Variants in NMUR2 observed in about 807,000 individuals in gnomAD.
NMUR2 encodes neuromedin-U receptor 2.
A neutral mutation model predicts 25.1 loss-of-function variants in NMUR2; 24 were observed. That is an observed-to-expected ratio of 0.96 (90% CI 0.69 to 1.34). The LOEUF is 1.34. NMUR2 is among the 40% of genes most tolerant of loss of function. NMUR2 has a pLI of 0.00. For missense variants in NMUR2, 533 were observed against 512.8 expected (o/e 1.04, Z -0.38); for synonymous variants, 218 against 208.1 (o/e 1.05, Z -0.41).
rs780059068 is a variant in NMUR2 at position 152,404,860 on chromosome 5, A to C, written c.254T>G (p.Phe85Cys). The change falls in exon 1 of 4, where the codon TTC (phenylalanine) becomes TGC (cysteine). Residue 85 changes from phenylalanine to cysteine, a missense_variant. Physicochemically the swap from Phe to Cys is radical, Grantham distance 205. Transcript: ENST00000255262. ...AMKTPTNYYL[F>C]SLAVSDLLVL... ...CAGGAGGTCAGAGACCGCCAGGCTGAAGAGGTAGTAGTTGGTGGGCGTCTT... is the reference window on the plus strand; with the variant it reads ...CAGGAGGTCAGAGACCGCCAGGCTGCAGAGGTAGTAGTTGGTGGGCGTCTT... 1 of 1,614,080 alleles carries C rather than the reference A, an allele frequency of 6.2e-7. No individual in the cohort carries two copies. Among genetic ancestry groups the C allele is most frequent in the Non-Finnish European group, 8.5e-7 (1 of 1,180,010 alleles).
At position 152,404,721 on chromosome 5, in the gene NMUR2, G is replaced by A. The variant is rs754217110; in HGVS notation, c.393C>T (p.Phe131=). The A allele has an allele frequency of 2.5e-6, 4 of 1,614,136 alleles. No individual in the cohort carries two copies. Among genetic ancestry groups the A allele is most frequent in the Non-Finnish European group, 3.4e-6 (4 of 1,180,040 alleles). The part of the protein sequence containing the change: ...FKTALFETVC[F]ASILSITTVS... ...CGGTGGTGATGCTGAGGATGGAGGC[G>A]AAGCACACGGTCTCAAAGAGGGCCG... is the stretch of plus-strand genomic sequence containing the variant. The change falls in exon 1 of 4, where the codon TTC becomes TTT. Residue 131 remains phenylalanine (F), a synonymous_variant. Coordinates refer to ENST00000255262, the MANE Select transcript of NMUR2 (RefSeq NM_020167.5).
chr5:152,400,887 C>G (rs1753240193), intron 1 of NMUR2, among the ~76,000 whole-genome samples: 1 of 152,164 alleles, frequency 6.6e-6, no homozygotes, highest in African/African-American at 2.4e-5. Flanking sequence ...TCACGCAATT[C>G]TTTTATGAAC....
Position 152,392,144 on chromosome 5 carries a change from C to T in NMUR2, c.*47G>A. 1 of 1,479,672 alleles carries T rather than the reference C, an allele frequency of 6.8e-7. No homozygotes were observed. Among genetic ancestry groups the T allele is most frequent in the Non-Finnish European group, 9.3e-7 (1 of 1,077,984 alleles). The allele number at this position is 1,479,672 out of a possible 1,614,324, so 91.7% of individuals were successfully genotyped here. A position where few individuals can be genotyped will look rare whatever the true frequency, so the allele number is the denominator to read the frequency against. On this transcript the variant is annotated 3_prime_UTR_variant, in exon 4 of 4. Coordinates refer to ENST00000255262, the MANE Select transcript of NMUR2 (RefSeq NM_020167.5). ...GAGAAGGCATACATTATGGGATGTT[C>T]CTCTCTGAAGTTTTGAGGCATAGAG...
At chr5:152,392,636 T>A in intron 3 of NMUR2, 135 bp from the exon 4 acceptor site, 1 of 668,408 alleles carries the variant, frequency 1.5e-6, no homozygotes, top group Non-Finnish European at 2.5e-6. Flanking sequence ...CATACAAGCA[T>A]CTAATTGAGA....
Position 152,398,067 on chromosome 5 carries a change from C to CT in NMUR2, c.803dup (p.Met269AspfsTer19). On this transcript the variant is annotated frameshift_variant, in exon 2 of 4. Coordinates refer to ENST00000255262, the MANE Select transcript of NMUR2 (RefSeq NM_020167.5). LOFTEE classifies it high-confidence loss of function. ...ACAAAATGGGGCACTTACACAGCAT[C>CT]TTGTTGACTGATTTTCTGCAGGGTC... is the stretch of plus-strand genomic sequence containing the variant. The CT allele has an allele frequency of 6.2e-7, 1 of 1,612,308 alleles. No homozygotes were observed. Among genetic ancestry groups the CT allele is most frequent in the Non-Finnish European group, 8.5e-7 (1 of 1,178,654 alleles).
chr5:152,401,279 C>T (rs919411781), intron 1 of NMUR2, among the ~76,000 whole-genome samples: 12 of 152,234 alleles, frequency 7.9e-5, no homozygotes, highest in African/African-American at 2.9e-4. Flanking sequence ...ATTGTGATTA[C>T]TAAAAGTTGT....
intron 3 of NMUR2, among the ~76,000 whole-genome samples, chr5:152,392,857 C>T (rs1406735469): frequency 6.6e-6 from 1 of 152,146 alleles, no homozygotes; most frequent in African/African-American, 2.4e-5. Context: ...GTTTCTATCT[C>T]ATTGGAATTT....
In NMUR2 at chr5:152,405,089, T is replaced by G. The variant is rs1462648123; in HGVS notation, c.25A>C (p.Asn9His). MSGMEKLQ[N>H]ASWIYQQKLE... ...TTCTGCTGGTAGATCCAGGAAGCATTCTGAAGTTTTTCCATCCCTGACATT... is the reference window on the plus strand; with the variant it reads ...TTCTGCTGGTAGATCCAGGAAGCATGCTGAAGTTTTTCCATCCCTGACATT... Residue 9 changes from asparagine to histidine, a missense_variant, in exon 1 of 4, where the codon AAT becomes CAT. Coordinates refer to ENST00000255262, the MANE Select transcript of NMUR2 (RefSeq NM_020167.5). 6.2e-7 allele frequency: 1 copy of G among 1,610,432 alleles called. No individual in the cohort carries two copies. The highest frequency in any genetic ancestry group is 1.1e-5 in the South Asian group (1 of 90,800).
In NMUR2 at chr5:152,395,551, GCC is replaced by G; in HGVS notation, c.843_844del (p.Trp281CysfsTer6). 6.2e-7 allele frequency: 1 copy of G among 1,613,512 alleles called. No individual in the cohort carries two copies. The highest frequency in any genetic ancestry group is 8.5e-7 in the Non-Finnish European group (1 of 1,179,790). On this transcript the variant is annotated frameshift_variant, in exon 3 of 4. Coordinates refer to ENST00000255262, the MANE Select transcript of NMUR2 (RefSeq NM_020167.5). LOFTEE classifies it high-confidence loss of function. Reference sequence around the variant, plus strand: ...GAAGAGTCGGTCAATGTGGAACGGGGCCCAACAGATAGCAAACACTAAGACCA... The same window carrying G: ...GAAGAGTCGGTCAATGTGGAACGGGGCAACAGATAGCAAACACTAAGACCA...
intron 3 of NMUR2, 107 bp downstream of exon 3, chr5:152,395,352 G>A: frequency 7.9e-7 from 1 of 1,268,780 alleles, no homozygotes; most frequent in Non-Finnish European, 1.1e-6. Flanking sequence ...ATTATAGCAT[G>A]GCAGATCCCC....
intron 2 of NMUR2, among the ~76,000 whole-genome samples, chr5:152,397,121 T>C (rs1753167586): frequency 1.3e-5 from 2 of 150,792 alleles, no homozygotes; most frequent in East Asian, 3.9e-4. Context: ...CAAGAGGAGC[T>C]AAAATATTTC....
intron 3 of NMUR2, among the ~76,000 whole-genome samples, chr5:152,393,353 T>C (rs1753094948): frequency 1.3e-5 from 2 of 152,294 alleles, no homozygotes; most frequent in South Asian, 4.1e-4. Flanking sequence ...GCTAAGAATG[T>C]AAAACAAGTG....
At chr5:152,398,836 G>C (rs1169976442) in intron 1 of NMUR2, among the ~76,000 whole-genome samples, 5 of 152,118 alleles carry the variant, frequency 3.3e-5, no homozygotes, top group African/African-American at 1.2e-4. Context: ...TAATATTACA[G>C]TAATATTAAT....
chr5:152,404,938 C>T lies in NMUR2; in HGVS notation c.176G>A (p.Gly59Glu), dbSNP rs750808062. Residue 59 changes from glycine to glutamate, a missense_variant, in exon 1 of 4, where the codon GGG (glycine) becomes GAG (glutamate). By Grantham distance (98) the Gly-to-Glu change is moderately conservative. Coordinates refer to ENST00000255262, the MANE Select transcript of NMUR2 (RefSeq NM_020167.5). ...GCACACCAGGACATTGCCAATGACC[C>T]CCACCACAAAAATTGGCACATACAC... ...SVVYVPIFVV[G>E]VIGNVLVCLV... The T allele has an allele frequency of 6.2e-7, 1 of 1,613,888 alleles. No individual in the cohort carries two copies. The highest frequency in any genetic ancestry group is 8.5e-7 in the Non-Finnish European group (1 of 1,179,948).
chr5:152,393,340 A>G (rs1458595949), intron 3 of NMUR2, among the ~76,000 whole-genome samples: 2 of 152,162 alleles, frequency 1.3e-5, no homozygotes, highest in African/African-American at 4.8e-5. Context: ...GAGGTTGAGA[A>G]TGGCTAAGAA....
At chr5:152,399,266 T>G (rs577334842) in intron 1 of NMUR2, among the ~76,000 whole-genome samples, 1 of 152,290 alleles carries the variant, frequency 6.6e-6, no homozygotes, top group East Asian at 1.9e-4. Flanking sequence ...CTCTCTTCTC[T>G]TAATAATAGC....
Position 152,404,943 on chromosome 5 carries a change from C to A in NMUR2, c.171G>T (p.Val57=). The change falls in exon 1 of 4, where the codon GTG becomes GTT. Residue 57 remains valine (V), a synonymous_variant. Coordinates refer to ENST00000255262, the MANE Select transcript of NMUR2 (RefSeq NM_020167.5). ...PVSVVYVPIF[V]VGVIGNVLVC... ...CCAGGACATTGCCAATGACCCCCAC[C>A]ACAAAAATTGGCACATACACCACAG... is the stretch of plus-strand genomic sequence containing the variant. 1 of 1,613,974 alleles carries A rather than the reference C, an allele frequency of 6.2e-7. No individual in the cohort carries two copies. The highest frequency in any genetic ancestry group is 8.5e-7 in the Non-Finnish European group (1 of 1,179,978).
chr5:152,403,216 T>G (rs1260560157), intron 1 of NMUR2, among the ~76,000 whole-genome samples: 2 of 152,224 alleles, frequency 1.3e-5, no homozygotes, highest in Non-Finnish European at 2.9e-5. Context: ...TGTGACCTTT[T>G]CATTTTATAC....
In NMUR2 at chr5:152,404,705, T is replaced by C. The variant is rs144629491; in HGVS notation, c.409A>G (p.Ile137Val). Residue 137 changes from isoleucine (I) to valine (V), a missense_variant, in exon 1 of 4, where the codon ATC becomes GTC. By Grantham distance (29) the Ile-to-Val change is conservative. Coordinates refer to ENST00000255262, the MANE Select transcript of NMUR2 (RefSeq NM_020167.5). ...TAGCGCTCCACGCTGACGGTGGTGA[T>C]GCTGAGGATGGAGGCGAAGCACACG... ...ETVCFASILS[I>V]TTVSVERYVA... 1 of 1,614,046 alleles carries C rather than the reference T, an allele frequency of 6.2e-7. No individual in the cohort carries two copies.
Sources: allele counts gnomAD v4.1 joint callset (sites outside exome capture counted in the v4.1 genomes callset), GRCh38; gene constraint gnomAD v4.1.1; transcripts MANE v1.5; gene names NCBI Gene and HGNC (gene_info 2026-07-23, HGNC 2026-07-21).